TP53INP1: variants seen among roughly 807,000 people sequenced by gnomAD.
TP53INP1 encodes tumor protein p53-inducible nuclear protein 1.
A neutral mutation model predicts 21.0 loss-of-function variants in TP53INP1; 12 were observed. That is an observed-to-expected ratio of 0.57 (90% CI 0.37 to 0.93). The LOEUF is 0.93. Among genes scored for constraint, TP53INP1 ranks in the 40% least tolerant of loss-of-function variants. The pLI, the probability that TP53INP1 is intolerant of heterozygous loss-of-function variation, is 0.01. For missense variants in TP53INP1, 274 were observed against 294.7 expected (o/e 0.93, Z 0.51); for synonymous variants, 91 against 94.8 (o/e 0.96, Z 0.23).
At chr8:94,932,036 A>G (rs1181276564) in intron 3 of TP53INP1, 5 of 1,598,492 alleles carry the variant, frequency 3.1e-6, no homozygotes, top group Non-Finnish European at 4.3e-6. Flanking sequence ...CTATGCATAC[A>G]TATATCACAC....
chr8:94,947,385 C>A (rs1038099362), intron 1 of TP53INP1, among the ~76,000 whole-genome samples: 17 of 151,972 alleles, frequency 1.1e-4, no homozygotes, highest in African/African-American at 3.9e-4. Context: ...GCTAAACGTA[C>A]CGTCATTGAA....
At chr8:94,940,562 TTACTA>T (rs1821435725) in intron 2 of TP53INP1, among the ~76,000 whole-genome samples, 1 of 152,156 alleles carries the variant, frequency 6.6e-6, no homozygotes, top group Non-Finnish European at 1.5e-5. Flanking sequence ...GACATATTGG[TTACTA>T]CTTGTCTAAT....
At chr8:94,933,383 A>T (rs956446618) in intron 3 of TP53INP1, among the ~76,000 whole-genome samples, 12 of 150,094 alleles carry the variant, frequency 8.0e-5, no homozygotes, top group Non-Finnish European at 2.9e-5. Context: ...AACCTTGAAA[A>T]AGAAGGAAGG....
intron 3 of TP53INP1, among the ~76,000 whole-genome samples, chr8:94,933,315 AAAAC>A (rs1427730601): frequency 4.6e-5 from 7 of 152,370 alleles, no homozygotes; most frequent in African/African-American, 7.2e-5. Flanking sequence ...TATGAATGCA[AAAAC>A]AAACAAGATA....
intron 3 of TP53INP1, among the ~76,000 whole-genome samples, chr8:94,934,776 TAAATC>T (rs1307477358): frequency 6.6e-6 from 1 of 152,130 alleles, no homozygotes. Flanking sequence ...CTAAAGCAAT[TAAATC>T]AATAGCAACT....
intron 3 of TP53INP1, among the ~76,000 whole-genome samples, chr8:94,934,692 C>A (rs1820789090): frequency 6.6e-6 from 1 of 152,076 alleles, no homozygotes; most frequent in Non-Finnish European, 1.5e-5. Context: ...ATTATAAATT[C>A]TTGAGTGGCA....
rs758090691 is a variant in TP53INP1 at position 94,929,054 on chromosome 8, T to C, written c.*1425A>G. On this transcript the variant is annotated 3_prime_UTR_variant, in exon 4 of 4. Transcript: ENST00000342697. Reference sequence around the variant, plus strand: ...ACTGCGGAAAAAGGAAGTGACTGGCTAGAGGTAAGGAAATAGATTTTCTCT... The same window carrying C: ...ACTGCGGAAAAAGGAAGTGACTGGCCAGAGGTAAGGAAATAGATTTTCTCT... The C allele has an allele frequency of 6.6e-6, 1 of 152,658 alleles. No individual in the cohort carries two copies. Among genetic ancestry groups the C allele is most frequent in the Non-Finnish European group, 1.5e-5 (1 of 68,074 alleles). 9.5% of individuals were successfully genotyped at this position (152,658 alleles called of 1,614,324 possible). A position where few individuals can be genotyped will look rare whatever the true frequency, so the allele number is the denominator to read the frequency against.
chr8:94,947,068 A>G (rs1372088781), intron 1 of TP53INP1, among the ~76,000 whole-genome samples: 2 of 152,166 alleles, frequency 1.3e-5, no homozygotes, highest in African/African-American at 4.8e-5. Flanking sequence ...TTTACTGATG[A>G]GGAAACCGAG....
At chr8:94,937,393 A>G (rs990939367) in intron 3 of TP53INP1, among the ~76,000 whole-genome samples, 2 of 150,346 alleles carry the variant, frequency 1.3e-5, no homozygotes, top group African/African-American at 4.9e-5. Context: ...CTGAGCCAAG[A>G]TCCTGCCACT....
In TP53INP1 at chr8:94,930,736, A is replaced by AC. The variant is rs1563720372; in HGVS notation, c.474-9_474-8insG. ...TCATTTTGAGCTTCCACTCTGAAAC[A>AC]GAAAAAAGTGGGGATGTATTAAATA... is the stretch of plus-strand genomic sequence containing the variant. On this transcript the variant is annotated splice_polypyrimidine_tract_variant and intron_variant, in intron 3 of 3. Transcript: ENST00000342697. The AC allele has an allele frequency of 6.2e-7, 1 of 1,612,898 alleles. No individual in the cohort carries two copies. Among genetic ancestry groups the AC allele is most frequent in the Admixed American group, 1.7e-5 (1 of 59,818 alleles).
chr8:94,941,029 A>G lies in TP53INP1; in HGVS notation c.-88T>C. Reference sequence around the variant, plus strand: ...CTTTAGTTGGCCCAATGGTACCGACAGGAGATTAAAGTGCACAGGGTGCTT... The same window carrying G: ...CTTTAGTTGGCCCAATGGTACCGACGGGAGATTAAAGTGCACAGGGTGCTT... On this transcript the variant is annotated 5_prime_UTR_variant, in exon 2 of 4. Transcript: ENST00000342697. 1.1e-6 allele frequency: 1 copy of G among 897,948 alleles called. No homozygotes were observed. The highest frequency in any genetic ancestry group is 1.8e-6 in the Non-Finnish European group (1 of 563,148). The allele number at this position is 897,948 out of a possible 1,614,324, so 55.6% of individuals were successfully genotyped here. A position where few individuals can be genotyped will look rare whatever the true frequency, so the allele number is the denominator to read the frequency against.
At chr8:94,931,696 C>T (rs1167080499) in intron 3 of TP53INP1, among the ~76,000 whole-genome samples, 1 of 151,930 alleles carries the variant, frequency 6.6e-6, no homozygotes, top group Non-Finnish European at 1.5e-5. Context: ...ATTTTTAGGC[C>T]AGGCGCTGTG....
intron 3 of TP53INP1, among the ~76,000 whole-genome samples, chr8:94,931,639 A>C (rs1023769206): frequency 2.0e-5 from 3 of 151,852 alleles, no homozygotes; most frequent in African/African-American, 7.3e-5. Flanking sequence ...GAATTTTAAG[A>C]GGCCACAATA....
intron 1 of TP53INP1, among the ~76,000 whole-genome samples, chr8:94,948,572 AGCC>A (rs1822224759): frequency 6.6e-6 from 1 of 152,124 alleles, no homozygotes; most frequent in Admixed American, 6.5e-5. Flanking sequence ...GGTTCCCCAT[AGCC>A]GCAGGGCCTC....
rs1819879099 is a variant in TP53INP1 at position 94,926,227 on chromosome 8, T to C, written c.*4252A>G. The stretch of plus-strand genomic sequence containing the variant: ...AAGAAAACAAGCTGCCATTTATGCA[T>C]AGATTGATGTACAGTAACCTAACCA... On this transcript the variant is annotated 3_prime_UTR_variant, in exon 4 of 4. Transcript: ENST00000342697. 6.6e-6 allele frequency: 1 copy of C among 152,538 alleles called. No homozygotes were observed. The highest frequency in any genetic ancestry group is 2.1e-4 in the South Asian group (1 of 4,834). 9.4% of individuals were successfully genotyped at this position (152,538 alleles called of 1,614,324 possible).
At position 94,930,605 on chromosome 8, in the gene TP53INP1, A is replaced by C. The variant is rs144109211; in HGVS notation, c.597T>G (p.Ser199Arg). 6.2e-7 allele frequency: 1 copy of C among 1,614,218 alleles called. No individual in the cohort carries two copies. Among genetic ancestry groups the C allele is most frequent in the Middle Eastern group, 1.6e-4 (1 of 6,062 alleles). Reference protein sequence around the residue: ...FRPSQWIKEHSERQPLNRNSL... With the variant: ...FRPSQWIKEHRERQPLNRNSL... Reference sequence around the variant, plus strand: ...TATTTCTGTTAAGAGGCTGTCTTTCACTGTGTTCTTTTATCCACTGGGAAG... The same window carrying C: ...TATTTCTGTTAAGAGGCTGTCTTTCCCTGTGTTCTTTTATCCACTGGGAAG... Residue 199 changes from serine (S) to arginine (R), a missense_variant, in exon 4 of 4, where the codon AGT becomes AGG. Physicochemically the swap from Ser to Arg is moderately radical, Grantham distance 110. Transcript: ENST00000342697.
chr8:94,946,257 G>A (rs1821979197), intron 1 of TP53INP1, among the ~76,000 whole-genome samples: 1 of 152,138 alleles, frequency 6.6e-6, no homozygotes, highest in South Asian at 2.1e-4. Flanking sequence ...GCAGAGAAAG[G>A]TGGCTGACTG....
intron 3 of TP53INP1, among the ~76,000 whole-genome samples, chr8:94,933,413 G>A (rs1269637085): frequency 2.0e-5 from 3 of 152,144 alleles, no homozygotes; most frequent in Non-Finnish European, 2.9e-5. Context: ...GAAGAAAGAA[G>A]AAGAAATCTA....
At chr8:94,933,111 G>C (rs1044469756) in intron 3 of TP53INP1, among the ~76,000 whole-genome samples, 1 of 152,014 alleles carries the variant, frequency 6.6e-6, no homozygotes, top group Non-Finnish European at 1.5e-5. Flanking sequence ...CCAGTTAATC[G>C]GCAGGATAAG....
Sources: allele counts gnomAD v4.1 joint callset (sites outside exome capture counted in the v4.1 genomes callset), GRCh38; gene constraint gnomAD v4.1.1; transcripts MANE v1.5; gene names NCBI Gene and HGNC (gene_info 2026-07-23, HGNC 2026-07-21).